The following NOX4 variants were observed in gnomAD, a reference collection of about 807,000 sequenced individuals.
NOX4 encodes kidney oxidase-1.
A neutral mutation model predicts 87.6 loss-of-function variants in NOX4; 69 were observed. The ratio of observed to expected loss-of-function variants is 0.79; its 90% confidence interval spans 0.65 to 0.96. The LOEUF (loss-of-function observed/expected upper bound fraction) is 0.96. NOX4 is among the 40% of genes least tolerant of loss of function. NOX4 has a pLI of 0.00. For synonymous variants in NOX4, 275 were observed against 238.2 expected, an observed-to-expected ratio of 1.15 and a Z score of -1.42; for missense variants, 680 against 681.5, an observed-to-expected ratio of 1.00 and a Z score of 0.02.
chr11:89,352,532 A>C (rs898094163), intron 13 of NOX4, among the ~76,000 whole-genome samples: 2 of 152,224 alleles, frequency 1.3e-5, no homozygotes, highest in Non-Finnish European at 2.9e-5. Context: ...CACCTTCTAG[A>C]TGCTATTAAG....
intron 5 of NOX4, among the ~76,000 whole-genome samples, chr11:89,442,060 A>C (rs1185480185): frequency 6.7e-6 from 1 of 149,266 alleles, no homozygotes; most frequent in African/African-American, 2.4e-5. Flanking sequence ...TAAATACATA[A>C]GTATATATAC....
intron 17 of NOX4, among the ~76,000 whole-genome samples, chr11:89,330,929 C>T (rs1352655376): frequency 1.3e-5 from 2 of 151,858 alleles, no homozygotes; most frequent in African/African-American, 2.4e-5. Flanking sequence ...GTAATTAATA[C>T]AAGCAGACAG....
intron 7 of NOX4, among the ~76,000 whole-genome samples, chr11:89,425,143 A>T (rs954621832): frequency 6.6e-6 from 1 of 151,874 alleles, no homozygotes; most frequent in African/African-American, 2.4e-5. Flanking sequence ...TTCCTTCAAG[A>T]ATTCCTAAAA....
intron 8 of NOX4, among the ~76,000 whole-genome samples, chr11:89,414,081 C>G (rs1449028417): frequency 6.6e-6 from 1 of 151,890 alleles, no homozygotes; most frequent in African/African-American, 2.4e-5. Flanking sequence ...TTCTTTATTG[C>G]ACAAATCAGG....
chr11:89,503,631 T>A, the NOX4 span, among the ~76,000 whole-genome samples: 1 of 151,716 alleles, frequency 6.6e-6, no homozygotes, highest in Non-Finnish European at 1.5e-5. Context: ...AATTCCTGAC[T>A]TCCACTGAAC....
chr11:89,536,207 C>A, the NOX4 span, among the ~76,000 whole-genome samples: 1,020 of 133,816 alleles, frequency 7.6e-3, 14 homozygotes, highest in African/African-American at 0.027. Flanking sequence ...TGTGCAGTGG[C>A]GCGATCTCGG....
At chr11:89,534,219 T>A in the NOX4 span, among the ~76,000 whole-genome samples, 1 of 152,332 alleles carries the variant, frequency 6.6e-6, no homozygotes, top group East Asian at 1.9e-4. Flanking sequence ...GTTCCTGCCT[T>A]TGTGCTTCCT....
upstream of NOX4, among the ~76,000 whole-genome samples, chr11:89,500,360 A>C (rs530070022): frequency 6.6e-6 from 1 of 152,188 alleles, no homozygotes; most frequent in Non-Finnish European, 1.5e-5. Flanking sequence ...TATGTGTTCA[A>C]TTATTATATG....
intron 12 of NOX4, 49 bp downstream of exon 12, chr11:89,373,383 A>G (rs1428204731): frequency 1.7e-5 from 18 of 1,046,254 alleles, no homozygotes; most frequent in Non-Finnish European, 2.7e-5. Flanking sequence ...AAATTATTAC[A>G]TTCCACTATT....
the NOX4 span, among the ~76,000 whole-genome samples, chr11:89,558,261 C>A: frequency 4.6e-5 from 7 of 152,090 alleles, no homozygotes; most frequent in South Asian, 1.4e-3. Flanking sequence ...TGGTGGTCTC[C>A]TTTCTCCAAC....
At chr11:89,554,756 G>A in the NOX4 span, among the ~76,000 whole-genome samples, 9 of 152,168 alleles carry the variant, frequency 5.9e-5, no homozygotes, top group African/African-American at 2.2e-4. Context: ...TCGGTAGAAA[G>A]GCTTTTACAG....
chr11:89,469,018 C>T (rs1008382152), intron 2 of NOX4, among the ~76,000 whole-genome samples: 6 of 152,160 alleles, frequency 3.9e-5, no homozygotes, highest in Admixed American at 3.9e-4. Flanking sequence ...GAGTGAGCCA[C>T]CACACAAGGC....
At chr11:89,436,273 G>A (rs1283964882) in intron 6 of NOX4, among the ~76,000 whole-genome samples, 1 of 152,128 alleles carries the variant, frequency 6.6e-6, no homozygotes, top group Non-Finnish European at 1.5e-5. Flanking sequence ...TGCTTTCAGG[G>A]CACATCAAAG....
chr11:89,369,108 G>A (rs4127488), intron 12 of NOX4, among the ~76,000 whole-genome samples: 8,865 of 152,034 alleles, frequency 0.058, 470 homozygotes, highest in Admixed American at 0.14. Flanking sequence ...TCAGGGCTCT[G>A]TTCAGAGAGC....
intron 2 of NOX4, among the ~76,000 whole-genome samples, chr11:89,459,317 C>T (rs1406399239): frequency 7.9e-5 from 12 of 151,772 alleles, no homozygotes; most frequent in South Asian, 2.1e-4. Flanking sequence ...GTGGGAGGAG[C>T]GTGACATTCA....
At chr11:89,549,241 G>A in the NOX4 span, among the ~76,000 whole-genome samples, 2 of 152,104 alleles carry the variant, frequency 1.3e-5, no homozygotes, top group Admixed American at 1.3e-4. Flanking sequence ...AATAGTTGCA[G>A]ACTAAATTCA....
At chr11:89,532,751 T>C in the NOX4 span, among the ~76,000 whole-genome samples, 3 of 152,276 alleles carry the variant, frequency 2.0e-5, no homozygotes, top group East Asian at 5.8e-4. Flanking sequence ...TCATCTTGAA[T>C]AGTAATCCCC....
chr11:89,407,994 T>C (rs1337185335), intron 8 of NOX4, among the ~76,000 whole-genome samples: 1 of 151,914 alleles, frequency 6.6e-6, no homozygotes, highest in Admixed American at 6.6e-5. Context: ...TGATTTTTTT[T>C]CTTTATGGTA....
chr11:89,441,843 T>C (rs1342590491), intron 5 of NOX4, among the ~76,000 whole-genome samples: 1 of 151,384 alleles, frequency 6.6e-6, no homozygotes, highest in Non-Finnish European at 1.5e-5. Flanking sequence ...AGGTGGAGGG[T>C]GAGTCCTTGC....
Sources: gnomAD v4.1 joint callset for allele counts (sites outside exome capture counted in the v4.1 genomes callset) on GRCh38, gnomAD v4.1.1 for gene constraint, MANE v1.5 for transcripts, NCBI Gene and HGNC (gene_info 2026-07-23, HGNC 2026-07-21) for gene names.